Variants in PDZD2 observed in about 807,000 individuals in gnomAD.
The protein encoded by PDZD2 is PDZ domain-containing protein 2.
PDZD2 carries 90 observed loss-of-function variants against 220.7 expected under a neutral mutation model. The ratio of observed to expected loss-of-function variants is 0.41; its 90% CI spans 0.34 to 0.49. The LOEUF is 0.49. PDZD2 is among the 20% of genes least tolerant of loss of function. The pLI is 0.28. For missense variants in PDZD2, 3,174 were observed against 3,608.5 expected, an observed-to-expected ratio of 0.88 and a Z score of 3.08; for synonymous variants, 1,375 against 1,450.5, an observed-to-expected ratio of 0.95 and a Z score of 1.18.
intron 2 of PDZD2, among the ~76,000 whole-genome samples, chr5:31,930,973 A>T (rs1203343896): frequency 6.6e-6 from 1 of 151,936 alleles, no homozygotes; most frequent in African/African-American, 2.4e-5. Context: ...ACTCATTGGC[A>T]TGAGTTGGAA....
At chr5:31,955,683 C>CTTTTTT (rs34964306) in intron 2 of PDZD2, among the ~76,000 whole-genome samples, 116 of 116,744 alleles carry the variant, frequency 9.9e-4, no homozygotes, top group East Asian at 3.5e-3. Flanking sequence ...GGGCTCTGTT[C>CTTTTTT]TTTTTTTTTT....
At chr5:32,071,519 C>A in intron 16 of PDZD2, 101 bp downstream of exon 16, 1 of 890,204 alleles carries the variant, frequency 1.1e-6, no homozygotes, top group Non-Finnish European at 1.9e-6. Context: ...TGTTTCTGCC[C>A]ATGAGTCATT....
chr5:31,713,309 T>G (rs1748238678), intron 1 of PDZD2, among the ~76,000 whole-genome samples: 1 of 152,348 alleles, frequency 6.6e-6, no homozygotes, highest in East Asian at 1.9e-4. Context: ...CTCTACGCTC[T>G]GCTGGACGAC....
chr5:32,058,374 A>G (rs1035602410), intron 12 of PDZD2, among the ~76,000 whole-genome samples: 2 of 151,476 alleles, frequency 1.3e-5, no homozygotes, highest in African/African-American at 4.9e-5. Context: ...AAAAAAAAAA[A>G]AAAAAAATCA....
Position 32,058,094 on chromosome 5 carries a change from C to G in PDZD2, c.2191C>G (p.Leu731Val). Reference sequence around the variant, plus strand: ...GGACAGGATCGTCATGGAAGTAACACTCAACAAAGGTGATAGCAGCTATTC... The same window carrying G: ...GGACAGGATCGTCATGGAAGTAACAGTCAACAAAGGTGATAGCAGCTATTC... The part of the protein sequence containing the change: ...PKDRIVMEVT[L>V]NKEPRVGLGI... Residue 731 changes from leucine to valine, a missense_variant, in exon 12 of 25, where the codon CTC (leucine) becomes GTC (valine). Transcript: ENST00000438447. 1 of 1,541,456 alleles carries G rather than the reference C, an allele frequency of 6.5e-7. No individual in the cohort carries two copies. The highest frequency in any genetic ancestry group is 9.0e-7 in the Non-Finnish European group (1 of 1,113,602).
At chr5:32,058,744 A>C (rs3909431) in intron 12 of PDZD2, among the ~76,000 whole-genome samples, 77,040 of 151,142 alleles carry the variant, frequency 0.51, 21,551 homozygotes, top group African/African-American at 0.75. Context: ...AAAGAACAAA[A>C]GATTATAGTT....
chr5:31,953,100 G>T (rs1747327880), intron 2 of PDZD2, among the ~76,000 whole-genome samples: 2 of 151,214 alleles, frequency 1.3e-5, no homozygotes, highest in Admixed American at 1.3e-4. Flanking sequence ...AGAATAAAGA[G>T]GGGTTCTCAC....
chr5:31,833,209 C>T (rs939195615), intron 2 of PDZD2, among the ~76,000 whole-genome samples: 4 of 152,162 alleles, frequency 2.6e-5, no homozygotes, highest in Admixed American at 1.3e-4. Context: ...TGACTCATGC[C>T]TGTAATCCCG....
intron 2 of PDZD2, among the ~76,000 whole-genome samples, chr5:31,849,919 CATATATATATATACACATATATATATAT>C (rs1757853106): frequency 2.1e-4 from 4 of 19,058 alleles, no homozygotes; most frequent in Non-Finnish European, 3.5e-4. Context: ...TATATATATA[CATATATATATATACACATATATATATAT>C]ACATATATAT....
rs79039272 is a variant in PDZD2, at chr5:31,775,336, G to GAA, written c.-360-23541_-360-23540dup. 1.2e-3 allele frequency among the ~76,000 whole-genome samples: 164 copies of GAA among 139,208 alleles called. 4 individuals carry two copies. The South Asian group carries it at 0.028, about 24-fold the overall frequency. 91.3% of individuals were successfully genotyped at this position (139,208 alleles called of 152,430 possible). On this transcript the variant is annotated intron_variant, in intron 1 of 24. Transcript: ENST00000438447. ...AGGTGGCTGGAATAGAGATGTAATT[G>GAA]AAAAAAAAAAAAAGATTAATGTGAT... is the stretch of plus-strand genomic sequence containing the variant.
intron 1 of PDZD2, among the ~76,000 whole-genome samples, chr5:31,708,215 C>A (rs79132405): frequency 0.023 from 3,467 of 152,224 alleles, 139 homozygotes; most frequent in African/African-American, 0.078. Context: ...CTTCCCTGCC[C>A]GCCTCTGAGC....
chr5:31,658,129 G>A (rs534964416), intron 1 of PDZD2, among the ~76,000 whole-genome samples: 1 of 152,236 alleles, frequency 6.6e-6, no homozygotes, highest in South Asian at 2.1e-4. Context: ...CAGAATAATG[G>A]TCTCTAAGCT....
chr5:31,826,651 G>A (rs1023348478), intron 2 of PDZD2, among the ~76,000 whole-genome samples: 3 of 151,292 alleles, frequency 2.0e-5, no homozygotes, highest in South Asian at 2.1e-4. Context: ...ACTCCAGCCC[G>A]GGTGACAGAA....
chr5:31,731,664 A>G (rs1749544877), intron 1 of PDZD2, among the ~76,000 whole-genome samples: 2 of 152,146 alleles, frequency 1.3e-5, no homozygotes, highest in Admixed American at 1.3e-4. Flanking sequence ...GTGTTGTAGC[A>G]CGTATCCCAA....
At chr5:31,884,284 C>CA (rs1740226761) in intron 2 of PDZD2, among the ~76,000 whole-genome samples, 1 of 148,688 alleles carries the variant, frequency 6.7e-6, no homozygotes, top group African/African-American at 2.6e-5. Flanking sequence ...TTCACAGACA[C>CA]GTAACAGAGA....
In PDZD2 at chr5:32,087,875, C is replaced by G; in HGVS notation, c.4427C>G (p.Pro1476Arg). The change falls in exon 20 of 25, where the codon CCG (proline) becomes CGG (arginine). Residue 1476 changes from proline (P) to arginine (R), a missense_variant. By Grantham distance (103) the Pro-to-Arg change is moderately radical (BLOSUM62 -2). This residue lies in a region of PDZD2 where 1,861 missense variants were observed against 2,001.0 expected (regional missense o/e 0.93). Coordinates refer to ENST00000438447, the MANE Select transcript of PDZD2 (RefSeq NM_178140.4). This position sits in a 1 kb window ranked among gnomAD's most constrained non-coding sequence, Gnocchi z 4.0. ...AGCTCCTGCCGTGCCGAACCAGTCCCGGGGGGCCAGACCTCCTCCCCGAGG... is the reference window on the plus strand; with the variant it reads ...AGCTCCTGCCGTGCCGAACCAGTCCGGGGGGGCCAGACCTCCTCCCCGAGG... ...GGSSCRAEPV[P>R]GGQTSSPRRA... is the part of the protein sequence containing the mutation. 3.1e-6 allele frequency: 5 copies of G among 1,612,282 alleles called. No homozygotes were observed. Among genetic ancestry groups the G allele is most frequent in the Non-Finnish European group, 3.4e-6 (4 of 1,179,358 alleles).
intron 1 of PDZD2, among the ~76,000 whole-genome samples, chr5:31,690,136 T>C (rs561701535): frequency 6.6e-6 from 1 of 152,108 alleles, no homozygotes; most frequent in African/African-American, 2.4e-5. Context: ...CCTAAGGTGG[T>C]TGCAAATAAG....
chr5:31,849,909 TATATATATACATATATATATATACAC>T (rs1757845342), intron 2 of PDZD2, among the ~76,000 whole-genome samples: 1 of 24,524 alleles, frequency 4.1e-5, no homozygotes, highest in African/African-American at 2.6e-4. Flanking sequence ...TATATACATA[TATATATATACATATATATATATACAC>T]ATATATATAT....
At chr5:31,817,267 G>A (rs1293120207) in intron 2 of PDZD2, among the ~76,000 whole-genome samples, 2 of 151,948 alleles carry the variant, frequency 1.3e-5, no homozygotes, top group Non-Finnish European at 2.9e-5. Context: ...GCTGAGGTGG[G>A]CAGATTACTT....
Sources: allele counts gnomAD v4.1 joint callset (sites outside exome capture counted in the v4.1 genomes callset), GRCh38; gene constraint gnomAD v4.1.1; regional missense constraint gnomAD v4.1.1; non-coding constraint Gnocchi (gnomAD v3.1); transcripts MANE v1.5; gene names NCBI Gene and HGNC (gene_info 2026-07-23, HGNC 2026-07-21).